LHFPL3: variants seen among roughly 807,000 people sequenced by gnomAD.
LHFPL3 encodes the protein LHFPL tetraspan subfamily member 3 protein.
Under a neutral mutation model 19.3 loss-of-function variants are expected in LHFPL3, and 5 were observed. The observed-to-expected ratio is 0.26, with a 90% CI of 0.14 to 0.54. The LOEUF (loss-of-function observed/expected upper bound fraction) is 0.54, where lower values mean the gene tolerates loss of function less well. Ranked by LOEUF, LHFPL3 falls within the 20% of genes least tolerant of loss-of-function variation. LHFPL3 has a pLI of 0.94. For synonymous variants in LHFPL3, 133 were observed against 126.2 expected (o/e 1.05, Z -0.36); for missense variants, 249 against 307.4 (o/e 0.81, Z 1.42).
intron 1 of LHFPL3, among the ~76,000 whole-genome samples, chr7:104,724,884 C>A (rs1017537409): frequency 6.6e-6 from 1 of 152,128 alleles, no homozygotes; most frequent in Non-Finnish European, 1.5e-5. Flanking sequence ...ACTAGGTAGG[C>A]CTAAACATTT....
At chr7:104,737,545 T>C (rs982969329) in intron 2 of LHFPL3, among the ~76,000 whole-genome samples, 2 of 152,124 alleles carry the variant, frequency 1.3e-5, no homozygotes, top group Non-Finnish European at 2.9e-5. Context: ...GGATGGAAAA[T>C]AGAACATTGA....
chr7:104,614,672 CTTCCTTCCTTCTTTCT>C (rs1325990409), intron 1 of LHFPL3, among the ~76,000 whole-genome samples: 4 of 88,270 alleles, frequency 4.5e-5, no homozygotes, highest in African/African-American at 1.1e-4. Flanking sequence ...TCCTTCCTTC[CTTCCTTCCTTCTTTCT>C]TTCTTTCTTT....
chr7:104,533,873 G>A (rs941218098), intron 1 of LHFPL3, among the ~76,000 whole-genome samples: 3 of 152,024 alleles, frequency 2.0e-5, no homozygotes, highest in African/African-American at 7.2e-5. Flanking sequence ...TGTCCTATGA[G>A]GTCTTGGAAG....
At chr7:104,771,512 C>T (rs1383178382) in intron 2 of LHFPL3, among the ~76,000 whole-genome samples, 2 of 151,984 alleles carry the variant, frequency 1.3e-5, no homozygotes, top group Non-Finnish European at 2.9e-5. Flanking sequence ...GCCATATTCT[C>T]CAGTTCTACA....
At chr7:104,848,846 G>T (rs1376601756) in intron 2 of LHFPL3, among the ~76,000 whole-genome samples, 3 of 152,094 alleles carry the variant, frequency 2.0e-5, no homozygotes, top group Admixed American at 6.5e-5. Context: ...TGCCAAGCTG[G>T]CTTCCTAGTT....
intron 1 of LHFPL3, among the ~76,000 whole-genome samples, chr7:104,492,248 C>CT (rs1292576583): frequency 6.7e-6 from 1 of 149,378 alleles, no homozygotes; most frequent in African/African-American, 2.4e-5. Context: ...GATTTTTCCC[C>CT]TTATTAATGA....
Position 104,625,914 on chromosome 7 carries a change from A to G in LHFPL3, c.446-110761A>G, listed in dbSNP as rs570163927. On this transcript the variant is annotated intron_variant, in intron 1 of 2. Coordinates refer to ENST00000424859, the MANE Select transcript of LHFPL3 (RefSeq NM_199000.3). ...GTACTCACATCATGAAACTTCTTCA[A>G]AGTTTCCAAAACAACACCCCTGCTA... 5.3e-5 allele frequency among the ~76,000 whole-genome samples: 8 copies of G among 152,330 alleles called. No homozygotes were observed. In the South Asian group the frequency reaches 1.7e-3, roughly 32 times the overall value.
At chr7:104,364,067 G>C (rs911108514) in intron 1 of LHFPL3, among the ~76,000 whole-genome samples, 1 of 152,162 alleles carries the variant, frequency 6.6e-6, no homozygotes, top group Non-Finnish European at 1.5e-5. Flanking sequence ...AAGTAGAGTC[G>C]CAAGGAGAGT....
At chr7:104,899,463 T>TGA (rs533577803) in intron 2 of LHFPL3, among the ~76,000 whole-genome samples, 1 of 151,170 alleles carries the variant, frequency 6.6e-6, no homozygotes, top group African/African-American at 2.4e-5. Context: ...CAGACCTCGC[T>TGA]GAGAGAGAGA....
At chr7:104,420,653 G>A (rs748847558) in intron 1 of LHFPL3, among the ~76,000 whole-genome samples, 53 of 140,512 alleles carry the variant, frequency 3.8e-4, no homozygotes, top group Admixed American at 1.0e-3. Flanking sequence ...TCCGCCTCCC[G>A]GGTTCACGCC....
intron 1 of LHFPL3, among the ~76,000 whole-genome samples, chr7:104,521,840 C>G (rs1794070351): frequency 6.6e-6 from 1 of 152,144 alleles, no homozygotes; most frequent in Non-Finnish European, 1.5e-5. Flanking sequence ...CAATGAGATA[C>G]CATCTCACAC....
chr7:104,791,985 T>C (rs1433099185), intron 2 of LHFPL3, among the ~76,000 whole-genome samples: 2 of 152,098 alleles, frequency 1.3e-5, no homozygotes, highest in African/African-American at 4.8e-5. Flanking sequence ...ACTCCCAGTC[T>C]CTCCATAAGG....
chr7:104,406,929 G>A (rs1251022793), intron 1 of LHFPL3, among the ~76,000 whole-genome samples: 2 of 152,198 alleles, frequency 1.3e-5, no homozygotes, highest in Non-Finnish European at 2.9e-5. Flanking sequence ...CTTTGGTCAT[G>A]AGCTAGAAAG....
chr7:104,687,590 G>A (rs13241253), intron 1 of LHFPL3, among the ~76,000 whole-genome samples: 75,381 of 152,074 alleles, frequency 0.5, 19,072 homozygotes, highest in East Asian at 0.59. Flanking sequence ...GAAAAGACAC[G>A]TCACTCAGGA....
At chr7:104,595,275 G>A (rs1790824167) in intron 1 of LHFPL3, among the ~76,000 whole-genome samples, 1 of 152,172 alleles carries the variant, frequency 6.6e-6, no homozygotes, top group African/African-American at 2.4e-5. Flanking sequence ...CTGTTTGTTA[G>A]TTTTCCTTGT....
At chr7:104,362,409 G>C (rs1790402917) in intron 1 of LHFPL3, among the ~76,000 whole-genome samples, 1 of 152,312 alleles carries the variant, frequency 6.6e-6, no homozygotes, top group South Asian at 2.1e-4. Flanking sequence ...TAGGTCATTT[G>C]CCTAAGATGT....
At chr7:104,480,997 G>A (rs888622178) in intron 1 of LHFPL3, among the ~76,000 whole-genome samples, 3 of 152,146 alleles carry the variant, frequency 2.0e-5, no homozygotes, top group Non-Finnish European at 4.4e-5. Flanking sequence ...AAGGAGACCA[G>A]CATTCTAGTC....
chr7:104,871,753 G>T (rs957391686), intron 2 of LHFPL3, among the ~76,000 whole-genome samples: 7 of 151,932 alleles, frequency 4.6e-5, no homozygotes, highest in African/African-American at 1.7e-4. Context: ...CCACCTCCCA[G>T]GTTCCAGTGA....
chr7:104,793,108 C>T (rs1208627897), intron 2 of LHFPL3, among the ~76,000 whole-genome samples: 6 of 152,184 alleles, frequency 3.9e-5, no homozygotes, highest in Non-Finnish European at 7.4e-5. Flanking sequence ...GTTGGCTAGG[C>T]TGTTCTCAAA....
Sources: gnomAD v4.1 joint callset for allele counts (sites outside exome capture counted in the v4.1 genomes callset) on GRCh38, gnomAD v4.1.1 for gene constraint, MANE v1.5 for transcripts, NCBI Gene and HGNC (gene_info 2026-07-23, HGNC 2026-07-21) for gene names.